The following NRXN3 variants were observed in gnomAD, a reference collection of about 807,000 sequenced individuals.
NRXN3 encodes the protein neurexin 3.
NRXN3 carries 32 observed loss-of-function variants against 137.6 expected under a neutral mutation model. That is an observed-to-expected ratio of 0.23 (90% CI 0.18 to 0.31). The LOEUF (loss-of-function observed/expected upper bound fraction) is 0.31, where lower values mean the gene tolerates loss of function less well. NRXN3 is among the 10% of genes least tolerant of loss of function. The pLI is 1.00. For missense variants in NRXN3, 1,574 were observed against 2,062.5 expected (o/e 0.76, Z 4.59); for synonymous variants, 798 against 784.5 (o/e 1.02, Z -0.29).
At chr14:79,253,399 C>T (rs2076188605) in intron 15 of NRXN3, among the ~76,000 whole-genome samples, 1 of 152,088 alleles carries the variant, frequency 6.6e-6, no homozygotes, top group African/African-American at 2.4e-5. Flanking sequence ...GAGCATGAGG[C>T]TAGAAATCTG....
Position 78,729,748 on chromosome 14 carries a change from C to T in NRXN3, c.2044+14609C>T, listed in dbSNP as rs578260325. ...CATGAATGCACAGACACAAATTCTT[C>T]GGCCATAAACCTGGACCTCTCTAAT... On this transcript the variant is annotated intron_variant, in intron 8 of 20. Transcript: ENST00000335750. 9.2e-5 allele frequency among the ~76,000 whole-genome samples: 14 copies of T among 152,262 alleles called. No individual in the cohort carries two copies. The South Asian group carries it at 1.9e-3, about 20-fold the overall frequency.
At chr14:78,569,688 T>C (rs1037839191) in intron 4 of NRXN3, among the ~76,000 whole-genome samples, 1 of 152,110 alleles carries the variant, frequency 6.6e-6, no homozygotes, top group African/African-American at 2.4e-5. Flanking sequence ...AGCCTTCAAG[T>C]AGCTGAGACT....
intron 8 of NRXN3, among the ~76,000 whole-genome samples, chr14:78,767,371 T>A (rs1260448979): frequency 1.3e-5 from 2 of 152,182 alleles, no homozygotes; most frequent in Non-Finnish European, 2.9e-5. Context: ...AGGAATAACA[T>A]CCTATCACCT....
chr14:78,881,418 T>C (rs1388037738), intron 10 of NRXN3, among the ~76,000 whole-genome samples: 1 of 151,636 alleles, frequency 6.6e-6, no homozygotes, highest in African/African-American at 2.4e-5. Flanking sequence ...TTGACCAAAA[T>C]GCTGATACTG....
chr14:78,911,902 G>GA (rs764946506), intron 10 of NRXN3, among the ~76,000 whole-genome samples: 1 of 151,420 alleles, frequency 6.6e-6, no homozygotes, highest in Non-Finnish European at 1.5e-5. Flanking sequence ...AAATTGGTAT[G>GA]TTTTTTTCCT....
intron 6 of NRXN3, among the ~76,000 whole-genome samples, chr14:78,656,754 G>A (rs981009541): frequency 1.3e-5 from 2 of 152,074 alleles, no homozygotes; most frequent in African/African-American, 2.4e-5. Flanking sequence ...TAGAAATGGT[G>A]GTCCCTCGGC....
intron 19 of NRXN3, among the ~76,000 whole-genome samples, chr14:79,712,860 G>A (rs2098809453): frequency 6.6e-6 from 1 of 152,044 alleles, no homozygotes; most frequent in Non-Finnish European, 1.5e-5. Flanking sequence ...AAATCCCTGG[G>A]CCCTGCTCCT....
intron 19 of NRXN3, among the ~76,000 whole-genome samples, chr14:79,722,099 A>G (rs566441155): frequency 4.9e-4 from 75 of 152,208 alleles, no homozygotes; most frequent in African/African-American, 1.7e-3. Context: ...ATTAATATCA[A>G]CTTTATAGGA....
intron 1 of NRXN3, among the ~76,000 whole-genome samples, chr14:78,229,504 G>A (rs2065099854): frequency 6.6e-6 from 1 of 152,038 alleles, no homozygotes; most frequent in African/African-American, 2.4e-5. Flanking sequence ...TCCAGATCTG[G>A]TATTCCTCAT....
intron 10 of NRXN3, among the ~76,000 whole-genome samples, chr14:78,947,280 C>T (rs932319603): frequency 2.0e-5 from 3 of 152,154 alleles, no homozygotes; most frequent in South Asian, 2.1e-4. Flanking sequence ...TGCAAATATC[C>T]CTCTTTTCCC....
At chr14:78,178,209 C>T (rs1018835668) in intron 1 of NRXN3, among the ~76,000 whole-genome samples, 17 of 152,204 alleles carry the variant, frequency 1.1e-4, no homozygotes, top group African/African-American at 4.1e-4. Context: ...GTACCACCTC[C>T]ATGGGCCTGT....
chr14:79,199,132 G>C (rs555988981), intron 15 of NRXN3, among the ~76,000 whole-genome samples: 1 of 151,334 alleles, frequency 6.6e-6, no homozygotes, highest in African/African-American at 2.4e-5. Flanking sequence ...GCGCCACTGC[G>C]CTCCAGCCTG....
chr14:79,306,060 A>G (rs1306455353), intron 15 of NRXN3, among the ~76,000 whole-genome samples: 2 of 152,130 alleles, frequency 1.3e-5, no homozygotes, highest in African/African-American at 4.8e-5. Context: ...TGATTCCATC[A>G]TTGAAATGAG....
rs575358328 is a variant in NRXN3, at chr14:79,346,351, G to A, written c.3263-120870G>A. Among the ~76,000 whole-genome samples, 122 of 152,340 alleles carry A rather than the reference G, an allele frequency of 8.0e-4. No homozygotes were observed. In the Middle Eastern group the frequency reaches 0.01, roughly 13 times the overall value. ...CAGGAGAATCACCTGAACGCGGGAG[G>A]TGGAGGTTGCAGTGAGCAGAGATCA... On this transcript the variant is annotated intron_variant, in intron 15 of 20. Coordinates refer to ENST00000335750, the MANE Select transcript of NRXN3 (RefSeq NM_001330195.2).
intron 8 of NRXN3, among the ~76,000 whole-genome samples, chr14:78,738,471 C>T (rs2098550637): frequency 6.6e-6 from 1 of 152,152 alleles, no homozygotes; most frequent in African/African-American, 2.4e-5. Context: ...CAGACCCCAC[C>T]CTCAGGACAG....
chr14:78,737,754 G>C (rs753241559), intron 8 of NRXN3, among the ~76,000 whole-genome samples: 2 of 152,154 alleles, frequency 1.3e-5, no homozygotes, highest in Non-Finnish European at 2.9e-5. Context: ...CTCCTGAGGA[G>C]GGGGAGCATT....
chr14:79,796,986 A>G (rs1161298952), intron 19 of NRXN3, among the ~76,000 whole-genome samples: 3 of 152,230 alleles, frequency 2.0e-5, no homozygotes, highest in African/African-American at 7.2e-5. Context: ...TCAGTAGTCT[A>G]TAAAGTCCAT....
In NRXN3 at chr14:78,191,399, C is replaced by T. The variant is rs77178368; in HGVS notation, c.-704+20725C>T. ...TTTGAACCTAGACTGACTCCAGAGC[C>T]TGTATTTGTGACTGTGATGAAACAT... On this transcript the variant is annotated intron_variant, in intron 1 of 20. Transcript: ENST00000335750. 1.8e-3 allele frequency among the ~76,000 whole-genome samples: 276 copies of T among 152,256 alleles called. 9 individuals are homozygous for T. The East Asian group carries it at 0.046, about 25-fold the overall frequency.
At chr14:78,588,891 A>C (rs902624777) in intron 4 of NRXN3, among the ~76,000 whole-genome samples, 7 of 152,238 alleles carry the variant, frequency 4.6e-5, no homozygotes, top group African/African-American at 1.7e-4. Context: ...TAAAGCCATA[A>C]AGAGAAGGCT....
Sources: allele counts gnomAD v4.1 joint callset (sites outside exome capture counted in the v4.1 genomes callset), GRCh38; gene constraint gnomAD v4.1.1; transcripts MANE v1.5; gene names NCBI Gene and HGNC (gene_info 2026-07-23, HGNC 2026-07-21).